Variants in TACR3 observed in about 807,000 individuals in gnomAD.
TACR3 encodes the protein neuromedin-K receptor.
TACR3 carries 34 observed loss-of-function variants against 35.0 expected under a neutral mutation model. The observed-to-expected ratio is 0.97, with a 90% CI of 0.74 to 1.30. The LOEUF (loss-of-function observed/expected upper bound fraction) is 1.30. TACR3 is among the 50% of genes most tolerant of loss of function. The probability of loss-of-function intolerance (pLI) is 0.00; values close to 1 mark genes in which losing one functional copy is unlikely to be tolerated. For synonymous variants in TACR3, 233 were observed against 221.1 expected, an observed-to-expected ratio of 1.05 and a Z score of -0.48; for missense variants, 558 against 591.7, an observed-to-expected ratio of 0.94 and a Z score of 0.59.
intron 3 of TACR3, among the ~76,000 whole-genome samples, chr4:103,595,567 C>G (rs1723986872): frequency 6.6e-6 from 1 of 152,020 alleles, no homozygotes; most frequent in Non-Finnish European, 1.5e-5. Flanking sequence ...CAGATTAGAA[C>G]TGAAATGCCT....
Position 103,685,955 on chromosome 4 carries a change from T to C in TACR3, c.549-27552A>G, listed in dbSNP as rs546954113. 5.9e-5 allele frequency among the ~76,000 whole-genome samples: 9 copies of C among 152,218 alleles called. No homozygotes were observed. The South Asian group carries it at 1.4e-3, about 25-fold the overall frequency. On this transcript the variant is annotated intron_variant, in intron 1 of 4. Transcript: ENST00000304883. Reference sequence around the variant, plus strand: ...ATTGGAGGGGGCTGACTTTGTTTAGTGAAAAGAATGGATAAACTCTTACCT... The same window carrying C: ...ATTGGAGGGGGCTGACTTTGTTTAGCGAAAAGAATGGATAAACTCTTACCT...
At chr4:103,628,960 C>T (rs1173030006) in intron 3 of TACR3, among the ~76,000 whole-genome samples, 1 of 152,198 alleles carries the variant, frequency 6.6e-6, no homozygotes, top group Admixed American at 6.5e-5. Context: ...TCAGCTTCAT[C>T]CCTGGGATGC....
In TACR3 at chr4:103,661,214, A is replaced by C. The variant is rs556341341; in HGVS notation, c.549-2811T>G. ...GTGTGTTAGAGATACCCACCAAAGA[A>C]TCAGAAGTAGAATTTTGCCATTTTG... is the stretch of plus-strand genomic sequence containing the variant. On this transcript the variant is annotated intron_variant, in intron 1 of 4. Coordinates refer to ENST00000304883, the MANE Select transcript of TACR3 (RefSeq NM_001059.3). Among the ~76,000 whole-genome samples the C allele has an allele frequency of 3.3e-5, 5 of 152,270 alleles. No individual in the cohort carries two copies. In the East Asian group the frequency reaches 9.6e-4, roughly 29 times the overall value.
chr4:103,665,532 T>C (rs973516916), intron 1 of TACR3, among the ~76,000 whole-genome samples: 1 of 152,218 alleles, frequency 6.6e-6, no homozygotes, highest in Non-Finnish European at 1.5e-5. Flanking sequence ...ACTTCTTGAA[T>C]ACCAGCTATC....
intron 1 of TACR3, among the ~76,000 whole-genome samples, chr4:103,662,217 G>GTTT (rs34317006): frequency 3.5e-5 from 3 of 86,262 alleles, no homozygotes; most frequent in Non-Finnish European, 6.9e-5. Flanking sequence ...TGTTGATGGT[G>GTTT]TTTTTTTTTT....
At position 103,600,125 on chromosome 4, in the gene TACR3, A is replaced by G. The variant is rs192625505; in HGVS notation, c.889-8442T>C. Among the ~76,000 whole-genome samples the G allele has an allele frequency of 2.8e-3, 427 of 152,160 alleles. 2 individuals carry two copies. The highest frequency in any genetic ancestry group is 4.8e-3 in the Non-Finnish European group (326 of 67,974). On this transcript the variant is annotated intron_variant, in intron 3 of 4. Coordinates refer to ENST00000304883, the MANE Select transcript of TACR3 (RefSeq NM_001059.3). ...TGGTAAGCTATTGATTATTACCTCAATTTCACAGCCTGTTATTGGTCTATT... is the reference window on the plus strand; with the variant it reads ...TGGTAAGCTATTGATTATTACCTCAGTTTCACAGCCTGTTATTGGTCTATT...
chr4:103,617,189 A>G (rs1334058694), intron 3 of TACR3, among the ~76,000 whole-genome samples: 1 of 152,198 alleles, frequency 6.6e-6, no homozygotes, highest in East Asian at 1.9e-4. Flanking sequence ...ATATTTCACA[A>G]TTAGCAGGGA....
At chr4:103,708,490 C>G (rs1722853731) in intron 1 of TACR3, among the ~76,000 whole-genome samples, 1 of 152,104 alleles carries the variant, frequency 6.6e-6, no homozygotes, top group Non-Finnish European at 1.5e-5. Flanking sequence ...GACATCCGCA[C>G]CAAAACCCCA....
chr4:103,662,359 T>A (rs578012753), intron 1 of TACR3, among the ~76,000 whole-genome samples: 1 of 152,134 alleles, frequency 6.6e-6, no homozygotes, highest in Admixed American at 6.5e-5. Context: ...TAGCTGGGAC[T>A]ACAGATGCCC....
rs924176207 is a variant in TACR3 at position 103,656,478 on chromosome 4, A to C, written c.738-134T>G. The C allele has an allele frequency of 4.3e-5, 35 of 821,600 alleles. No homozygotes were observed. In the African/African-American group the frequency reaches 5.1e-4, roughly 12 times the overall value. The allele number at this position is 821,600 out of a possible 1,614,324, so 50.9% of individuals were successfully genotyped here. ...ACATTATCTCTATACATTCATCTCA[A>C]AATTCCATCAAAATATCATGCTATT... On this transcript the variant is annotated intron_variant, in intron 2 of 4. Transcript: ENST00000304883.
intron 1 of TACR3, among the ~76,000 whole-genome samples, chr4:103,675,338 T>A (rs892852499): frequency 1.3e-5 from 2 of 152,192 alleles, no homozygotes; most frequent in Non-Finnish European, 2.9e-5. Flanking sequence ...ATTTTGCTCA[T>A]GTTTTACAAC....
At position 103,712,112 on chromosome 4, in the gene TACR3, A is replaced by C. The variant is rs560687962; in HGVS notation, c.548+7016T>G. Reference sequence around the variant, plus strand: ...TCAATGCCATCCCCATCAAGCTACCAATGACTTTCTTCACAGAATTGGAAA... The same window carrying C: ...TCAATGCCATCCCCATCAAGCTACCCATGACTTTCTTCACAGAATTGGAAA... On this transcript the variant is annotated intron_variant, in intron 1 of 4. Transcript: ENST00000304883. 1.2e-4 allele frequency among the ~76,000 whole-genome samples: 19 copies of C among 152,292 alleles called. No individual in the cohort carries two copies. The South Asian group carries it at 2.9e-3, about 23-fold the overall frequency.
intron 3 of TACR3, among the ~76,000 whole-genome samples, chr4:103,629,729 A>G (rs1301077017): frequency 6.6e-6 from 1 of 152,050 alleles, no homozygotes; most frequent in Non-Finnish European, 1.5e-5. Context: ...GGTAATTTAC[A>G]GATTCAATGC....
At chr4:103,593,616 C>G (rs973704778) in intron 3 of TACR3, among the ~76,000 whole-genome samples, 1 of 152,122 alleles carries the variant, frequency 6.6e-6, no homozygotes, top group Non-Finnish European at 1.5e-5. Flanking sequence ...ATTCCTTGAA[C>G]AGGGTAGTTA....
chr4:103,636,446 C>T (rs561962753), intron 3 of TACR3, among the ~76,000 whole-genome samples: 14 of 151,846 alleles, frequency 9.2e-5, no homozygotes, highest in Non-Finnish European at 1.6e-4. Flanking sequence ...ATATTTTCTT[C>T]TCAGAAATGA....
At chr4:103,713,443 A>G (rs1279433274) in intron 1 of TACR3, among the ~76,000 whole-genome samples, 1 of 122,858 alleles carries the variant, frequency 8.1e-6, no homozygotes, top group Non-Finnish European at 1.6e-5. Flanking sequence ...GGACACAGGA[A>G]GGGGAACATC....
At position 103,719,281 on chromosome 4, in the gene TACR3, G is replaced by T. The variant is rs1723156318; in HGVS notation, c.395C>A (p.Ala132Asp). ...YFLVNLAFSD[A>D]SMAAFNTLVN... Reference sequence around the variant, plus strand: ...CAACGTGTTGAAGGCGGCCATGGAGGCGTCGGAGAAAGCCAGGTTCACAAG... The same window carrying T: ...CAACGTGTTGAAGGCGGCCATGGAGTCGTCGGAGAAAGCCAGGTTCACAAG... The change falls in exon 1 of 5, where the codon GCC becomes GAC. Residue 132 changes from alanine to aspartate, a missense_variant. Coordinates refer to ENST00000304883, the MANE Select transcript of TACR3 (RefSeq NM_001059.3). The T allele has an allele frequency of 6.2e-7, 1 of 1,614,236 alleles. No homozygotes were observed. The highest frequency in any genetic ancestry group is 2.2e-5 in the East Asian group (1 of 44,878).
intron 3 of TACR3, among the ~76,000 whole-genome samples, chr4:103,631,175 C>T (rs749621881): frequency 4.6e-5 from 7 of 151,990 alleles, no homozygotes; most frequent in East Asian, 1.9e-4. Flanking sequence ...GGGGGCCTGT[C>T]GGGGTGTGGG....
chr4:103,687,835 T>C (rs1722284908), intron 1 of TACR3, among the ~76,000 whole-genome samples: 1 of 152,258 alleles, frequency 6.6e-6, no homozygotes, highest in South Asian at 2.1e-4. Flanking sequence ...AGGTAATTTA[T>C]AGATTCAATG....
Sources: gnomAD v4.1 joint callset for allele counts (sites outside exome capture counted in the v4.1 genomes callset) on GRCh38, gnomAD v4.1.1 for gene constraint, MANE v1.5 for transcripts, NCBI Gene and HGNC (gene_info 2026-07-23, HGNC 2026-07-21) for gene names.